The following PCDH15 variants were observed in gnomAD, a reference collection of about 807,000 sequenced individuals.
The protein encoded by PCDH15 is protocadherin-15.
PCDH15 carries 129 observed loss-of-function variants against 178.5 expected under a neutral mutation model. That is an observed-to-expected ratio of 0.72 (90% CI 0.63 to 0.84). The LOEUF (loss-of-function observed/expected upper bound fraction) is 0.84, where lower values mean the gene tolerates loss of function less well. Ranked by LOEUF, PCDH15 falls within the 40% of genes least tolerant of loss-of-function variation. The probability of loss-of-function intolerance (pLI) is 0.00; values close to 1 mark genes in which losing one functional copy is unlikely to be tolerated. For missense variants in PCDH15, 2,230 were observed against 2,099.9 expected (o/e 1.06, Z -1.21); for synonymous variants, 800 against 732.0 (o/e 1.09, Z -1.50).
In PCDH15 at chr10:54,279,029, C is replaced by T. The variant is rs143273378; in HGVS notation, c.876+38242G>A. ...ACTATATTCACAGAAATTGGACTTG[C>T]CTTTAAGCCCTCCTTTTTACATATA... On this transcript the variant is annotated intron_variant, in intron 8 of 37. Coordinates refer to ENST00000644397, the MANE Select transcript of PCDH15 (RefSeq NM_001384140.1). Among the ~76,000 whole-genome samples, 273 of 151,662 alleles carry T rather than the reference C, an allele frequency of 1.8e-3. 1 individual carries two copies. Among genetic ancestry groups the T allele is most frequent in the Middle Eastern group, 3.4e-3 (1 of 294 alleles).
intron 25 of PCDH15, among the ~76,000 whole-genome samples, chr10:53,924,508 AC>A (rs34087235): frequency 0.085 from 12,977 of 151,916 alleles, 592 homozygotes; most frequent in Middle Eastern, 0.1. Context: ...AACGAGCACC[AC>A]CCCCTGCTCT....
chr10:54,824,475 G>A (rs1462749368), intron 3 of PCDH15, among the ~76,000 whole-genome samples: 1 of 152,232 alleles, frequency 6.6e-6, no homozygotes, highest in Non-Finnish European at 1.5e-5. Context: ...GAACAGTCAG[G>A]ATGCATGAGT....
intron 2 of PCDH15, among the ~76,000 whole-genome samples, chr10:54,960,657 A>T (rs1471023718): frequency 6.6e-6 from 1 of 152,226 alleles, no homozygotes; most frequent in Non-Finnish European, 1.5e-5. Context: ...TCAACCCAAT[A>T]TTAAGAAGGT....
chr10:54,740,881 G>A (rs1461688506), intron 1 of PCDH15, among the ~76,000 whole-genome samples: 1 of 151,850 alleles, frequency 6.6e-6, no homozygotes. Context: ...GTAGGGTAGA[G>A]GATGGATGAA....
chr10:53,821,029 T>G (rs2076242782), intron 32 of PCDH15: 1 of 837,284 alleles, frequency 1.2e-6, no homozygotes, highest in Non-Finnish European at 1.4e-6. Context: ...AGATGATTAA[T>G]AATATGAACA....
Position 54,496,102 on chromosome 10 carries a change from A to G in PCDH15, c.157+31710T>C, listed in dbSNP as rs1416304675. Among the ~76,000 whole-genome samples, 7 of 152,270 alleles carry G rather than the reference A, an allele frequency of 4.6e-5. No homozygotes were observed. In the East Asian group the frequency reaches 1.2e-3, roughly 25 times the overall value. On this transcript the variant is annotated intron_variant, in intron 3 of 37. Coordinates refer to ENST00000644397, the MANE Select transcript of PCDH15 (RefSeq NM_001384140.1). ...TCCTTGGAAAGATGTTTGCCTTGGGATGTTTTTTACCCAAAACGGTGACTA... is the reference window on the plus strand; with the variant it reads ...TCCTTGGAAAGATGTTTGCCTTGGGGTGTTTTTTACCCAAAACGGTGACTA...
At chr10:55,463,780 C>T (rs893449509) in intron 2 of PCDH15, among the ~76,000 whole-genome samples, 2 of 151,310 alleles carry the variant, frequency 1.3e-5, no homozygotes, top group Non-Finnish European at 2.9e-5. Flanking sequence ...ATATATTTGT[C>T]CTTTTCCCTG....
intron 2 of PCDH15, among the ~76,000 whole-genome samples, chr10:55,118,374 G>T (rs1837678229): frequency 6.6e-6 from 1 of 152,134 alleles, no homozygotes; most frequent in African/African-American, 2.4e-5. Flanking sequence ...TCTAGCTGTT[G>T]CATCATGAGG....
intron 1 of PCDH15, among the ~76,000 whole-genome samples, chr10:55,284,199 T>C (rs912662882): frequency 6.6e-6 from 1 of 152,142 alleles, no homozygotes; most frequent in South Asian, 2.1e-4. Context: ...CTCAGGCCTA[T>C]GCTATTGAGG....
At chr10:54,683,653 G>T (rs1051727248) in intron 1 of PCDH15, among the ~76,000 whole-genome samples, 1 of 152,028 alleles carries the variant, frequency 6.6e-6, no homozygotes, top group Non-Finnish European at 1.5e-5. Context: ...TGAGAGGTTA[G>T]GTAGCCCTCT....
intron 7 of PCDH15, among the ~76,000 whole-genome samples, chr10:54,323,789 A>C (rs1700327225): frequency 7.1e-6 from 1 of 141,530 alleles, no homozygotes; most frequent in Admixed American, 7.1e-5. Flanking sequence ...ACACCCATGC[A>C]ACAAACCTAC....
chr10:54,653,330 G>A (rs1449556691), intron 2 of PCDH15, among the ~76,000 whole-genome samples: 1 of 152,124 alleles, frequency 6.6e-6, no homozygotes, highest in Non-Finnish European at 1.5e-5. Flanking sequence ...TACTAGCCGT[G>A]TGTTATAGAC....
intron 2 of PCDH15, among the ~76,000 whole-genome samples, chr10:55,479,294 A>T (rs1027930418): frequency 6.6e-6 from 1 of 151,588 alleles, no homozygotes; most frequent in Non-Finnish European, 1.5e-5. Context: ...TCATTCAGTA[A>T]TATCAGGTGG....
At chr10:55,135,392 A>T (rs1447707160) in intron 2 of PCDH15, among the ~76,000 whole-genome samples, 1 of 151,738 alleles carries the variant, frequency 6.6e-6, no homozygotes. Context: ...ATTTCAAACC[A>T]TGAAAGCCCC....
chr10:55,177,094 T>C (rs556997302), intron 1 of PCDH15, among the ~76,000 whole-genome samples: 1 of 152,150 alleles, frequency 6.6e-6, no homozygotes, highest in Non-Finnish European at 1.5e-5. Context: ...CAGACTTCAG[T>C]GAAGTACTTA....
At chr10:55,576,674 T>A (rs773395671) in intron 2 of PCDH15, among the ~76,000 whole-genome samples, 1 of 151,968 alleles carries the variant, frequency 6.6e-6, no homozygotes, top group Non-Finnish European at 1.5e-5. Flanking sequence ...GCTTGATGAT[T>A]AAATGAATTT....
At chr10:55,343,741 G>T (rs949745646) in intron 2 of PCDH15, among the ~76,000 whole-genome samples, 4 of 151,996 alleles carry the variant, frequency 2.6e-5, no homozygotes, top group Admixed American at 1.3e-4. Context: ...GGAAGTAAAT[G>T]ATTTACATGG....
intron 1 of PCDH15, among the ~76,000 whole-genome samples, chr10:55,226,662 G>A (rs1441279688): frequency 1.3e-5 from 2 of 152,048 alleles, no homozygotes; most frequent in South Asian, 2.1e-4. Flanking sequence ...GATTACAGGC[G>A]TGAGCCACTG....
chr10:55,005,226 A>AATAATC (rs34847205), intron 2 of PCDH15, among the ~76,000 whole-genome samples: 1 of 146,522 alleles, frequency 6.8e-6, no homozygotes, highest in Non-Finnish European at 1.5e-5. Flanking sequence ...TAATAATAAT[A>AATAATC]ATCAATGGAG....
Sources: gnomAD v4.1 joint callset for allele counts (sites outside exome capture counted in the v4.1 genomes callset) on GRCh38, gnomAD v4.1.1 for gene constraint, MANE v1.5 for transcripts, NCBI Gene and HGNC (gene_info 2026-07-23, HGNC 2026-07-21) for gene names.